AFDN: variants seen among roughly 807,000 people sequenced by gnomAD.
AFDN encodes afadin.
A neutral mutation model predicts 216.6 loss-of-function variants in AFDN; 68 were observed. The ratio of observed to expected loss-of-function variants is 0.31; its 90% CI spans 0.26 to 0.38. AFDN has a LOEUF of 0.38. AFDN is among the 10% of genes least tolerant of loss of function. The probability of loss-of-function intolerance (pLI) is 1.00; values close to 1 mark genes in which losing one functional copy is unlikely to be tolerated. For synonymous variants in AFDN, 868 were observed against 853.7 expected (o/e 1.02, Z -0.29); for missense variants, 2,136 against 2,342.0 (o/e 0.91, Z 1.82).
chr6:167,966,384 A>T lies in AFDN; in HGVS notation c.5257+339A>T, dbSNP rs1248303722. 5 of 967,616 alleles carry T rather than the reference A, an allele frequency of 5.2e-6. No homozygotes were observed. The East Asian group carries it at 2.4e-4, about 46-fold the overall frequency. The allele number at this position is 967,616 out of a possible 1,614,324, so 59.9% of individuals were successfully genotyped here. A position where few individuals can be genotyped will look rare whatever the true frequency, so the allele number is the denominator to read the frequency against. On this transcript the variant is annotated intron_variant, in intron 32 of 33. Coordinates refer to ENST00000683244, the MANE Select transcript of AFDN (RefSeq NM_001386888.1). ...CCATGGCGATCATACTTGCCTTGGA[A>T]TTTGGATGTCATGTGATCACTGGTC... is the stretch of plus-strand genomic sequence containing the variant.
chr6:167,913,529 A>G, intron 16 of AFDN, 106 bp downstream of exon 16: 2 of 1,048,000 alleles, frequency 1.9e-6, no homozygotes, highest in Admixed American at 2.2e-5. Context: ...AACAGCTCAT[A>G]ACACTCATTC....
At chr6:167,876,106 C>T (rs2128278107) in intron 5 of AFDN, among the ~76,000 whole-genome samples, 1 of 152,300 alleles carries the variant, frequency 6.6e-6, no homozygotes, top group South Asian at 2.1e-4. Context: ...TCACTTGCTT[C>T]TGCATCCATC....
intron 2 of AFDN, among the ~76,000 whole-genome samples, chr6:167,868,340 G>A (rs1049853629): frequency 6.6e-6 from 1 of 152,096 alleles, no homozygotes; most frequent in African/African-American, 2.4e-5. Flanking sequence ...AAAATCAGGA[G>A]TTTCAGATCA....
upstream of AFDN, chr6:167,826,572 C>G: frequency 1.9e-6 from 1 of 527,442 alleles, no homozygotes; most frequent in Non-Finnish European, 3.9e-6. Context: ...GGACTCTGCA[C>G]CGCGCGTCCG....
At chr6:167,905,602 CT>C (rs1289510822) in intron 12 of AFDN, among the ~76,000 whole-genome samples, 1 of 152,016 alleles carries the variant, frequency 6.6e-6, no homozygotes, top group Non-Finnish European at 1.5e-5. Flanking sequence ...CCACACACAC[CT>C]TTCTTGCTTT....
In AFDN at chr6:167,948,342, C is replaced by T. The variant is rs185092776; in HGVS notation, c.3695C>T (p.Thr1232Met). ...RPEAYPIPTQ[T>M]YTREYFTFPA... ...GAAGCCTACCCCATCCCCACTCAGA[C>T]GTACACCAGAGAGTATTTTACCTTC... The change falls in exon 29 of 34, where the codon ACG becomes ATG. Residue 1232 changes from threonine (T) to methionine (M), a missense_variant. This residue lies in a region of AFDN where 981 missense variants were observed against 966.0 expected (regional missense o/e 1.02). Transcript: ENST00000683244. The T allele has an allele frequency of 2.5e-5, 40 of 1,614,118 alleles. No homozygotes were observed. Among genetic ancestry groups the T allele is most frequent in the African/African-American group, 4.0e-5 (3 of 75,028 alleles).
chr6:167,872,411 G>A, intron 4 of AFDN, 34 bp downstream of exon 4: 4 of 1,582,748 alleles, frequency 2.5e-6, no homozygotes, highest in Non-Finnish European at 2.6e-6. Context: ...CCCTTTCTTT[G>A]TGCTCCAAAT....
intron 8 of AFDN, among the ~76,000 whole-genome samples, chr6:167,892,962 G>C (rs1279280714): frequency 6.6e-6 from 1 of 152,096 alleles, no homozygotes; most frequent in East Asian, 1.9e-4. Context: ...TTCTACTTTA[G>C]GCAAAACAAT....
chr6:167,899,897 A>C (rs1306809371), intron 11 of AFDN, among the ~76,000 whole-genome samples: 1 of 152,228 alleles, frequency 6.6e-6, no homozygotes, highest in Non-Finnish European at 1.5e-5. Flanking sequence ...ACACAATTCT[A>C]GTAGCAGCCT....
At chr6:167,842,010 C>A (rs1456129076) in intron 1 of AFDN, among the ~76,000 whole-genome samples, 1 of 151,528 alleles carries the variant, frequency 6.6e-6, no homozygotes, top group Non-Finnish European at 1.5e-5. Context: ...AAAAAAAAAA[C>A]TTTGCTAAAG....
chr6:167,827,050 G>T lies in AFDN; in HGVS notation c.-83G>T. On this transcript the variant is annotated 5_prime_UTR_variant, in exon 1 of 34. Coordinates refer to ENST00000683244, the MANE Select transcript of AFDN (RefSeq NM_001386888.1). ...AGGCGGCCGGCGGGGGGTGGCGAGG[G>T]GCGCCGGGCCCCCGCGGACCTGTCG... The T allele has an allele frequency of 1.7e-6, 1 of 600,874 alleles. No individual in the cohort carries two copies. The highest frequency in any genetic ancestry group is 2.1e-6 in the Non-Finnish European group (1 of 476,052). 37.2% of individuals were successfully genotyped at this position (600,874 alleles called of 1,614,324 possible). A position where few individuals can be genotyped will look rare whatever the true frequency, so the allele number is the denominator to read the frequency against.
Position 167,965,190 on chromosome 6 carries a change from TC to T in AFDN, c.4969-565del, listed in dbSNP as rs543740839. The T allele has an allele frequency of 3.1e-4, 163 of 532,608 alleles. 1 individual carries two copies. The African/African-American group carries it at 3.1e-3, about 10-fold the overall frequency. 33.0% of individuals were successfully genotyped at this position (532,608 alleles called of 1,614,324 possible). A position where few individuals can be genotyped will look rare whatever the true frequency, so the allele number is the denominator to read the frequency against. ...ATTTCTGGTTTCCTGTTAATCTCCT[TC>T]CTGATAACTGAAGTAAACAGGGTGG... On this transcript the variant is annotated intron_variant, in intron 31 of 33. Coordinates refer to ENST00000683244, the MANE Select transcript of AFDN (RefSeq NM_001386888.1).
chr6:167,962,524 G>A lies in AFDN; in HGVS notation c.4925G>A (p.Arg1642Gln), dbSNP rs1298622308. 8 of 1,613,840 alleles carry A rather than the reference G, an allele frequency of 5.0e-6. 1 individual carries two copies. The highest frequency in any genetic ancestry group is 3.3e-5 in the South Asian group (3 of 91,078). Reference protein sequence around the residue: ...EDRARQEEERRRQEEERTKRD... With the variant: ...EDRARQEEERQRQEEERTKRD... ...CGAGCGAGGCAAGAGGAAGAGCGCC[G>A]GCGGCAGGAGGAGGAGCGAACAAAA... The change falls in exon 31 of 34, where the codon CGG becomes CAG. Residue 1642 changes from arginine (R) to glutamine (Q), a missense_variant. Around this residue, in one of 8 missense-constraint regions of AFDN, gnomAD observed 981 missense variants for 966.0 expected, o/e 1.02. Coordinates refer to ENST00000683244, the MANE Select transcript of AFDN (RefSeq NM_001386888.1). The surrounding 1 kb of genome is among the most constrained non-coding windows in gnomAD (Gnocchi z 5.2).
intron 1 of AFDN, among the ~76,000 whole-genome samples, chr6:167,859,082 T>C (rs1240999044): frequency 6.6e-6 from 1 of 151,028 alleles, no homozygotes; most frequent in East Asian, 1.9e-4. Context: ...TTTTTTTTTT[T>C]TTTTTTTTCT....
At chr6:167,847,286 T>C (rs1005776345) in intron 1 of AFDN, among the ~76,000 whole-genome samples, 1 of 152,152 alleles carries the variant, frequency 6.6e-6, no homozygotes, top group African/African-American at 2.4e-5. Context: ...AGGTGAAATA[T>C]TTCATTTTTG....
intron 30 of AFDN, chr6:167,954,441 T>C: frequency 6.4e-7 from 1 of 1,573,448 alleles, no homozygotes; most frequent in Non-Finnish European, 8.6e-7. Flanking sequence ...TTTTTTTTCT[T>C]TCTCTGTTAC....
intron 7 of AFDN, among the ~76,000 whole-genome samples, chr6:167,889,527 G>A (rs1275516947): frequency 1.3e-5 from 2 of 152,112 alleles, no homozygotes; most frequent in Non-Finnish European, 2.9e-5. Flanking sequence ...TCCACCTCCC[G>A]GTTTCAAGCG....
intron 22 of AFDN, among the ~76,000 whole-genome samples, chr6:167,924,458 G>A (rs971802822): frequency 3.2e-4 from 48 of 152,196 alleles, no homozygotes; most frequent in African/African-American, 1.1e-3. Flanking sequence ...CAATAGCAGC[G>A]TGCTCTGGGT....
chr6:167,850,915 C>CAACA (rs1782228211), intron 1 of AFDN, among the ~76,000 whole-genome samples: 1 of 151,962 alleles, frequency 6.6e-6, no homozygotes, highest in African/African-American at 2.4e-5. Context: ...AAGTCTTGCT[C>CAACA]TGTTGCCCAT....
Sources: allele counts gnomAD v4.1 joint callset (sites outside exome capture counted in the v4.1 genomes callset), GRCh38; gene constraint gnomAD v4.1.1; regional missense constraint gnomAD v4.1.1; non-coding constraint Gnocchi (gnomAD v3.1); transcripts MANE v1.5; gene names NCBI Gene and HGNC (gene_info 2026-07-23, HGNC 2026-07-21).